Variants in EPB41L4A observed in about 807,000 individuals in gnomAD.
EPB41L4A encodes band 4.1-like protein 4A.
In EPB41L4A, 100 loss-of-function variants were observed where a neutral mutation model predicts 108.6. The ratio of observed to expected loss-of-function variants is 0.92; its 90% CI spans 0.78 to 1.09. The LOEUF (loss-of-function observed/expected upper bound fraction) is 1.09, where lower values mean the gene tolerates loss of function less well. Among genes scored for constraint, EPB41L4A ranks in the 50% least tolerant of loss-of-function variants. EPB41L4A has a pLI of 0.00. For missense variants in EPB41L4A, 1,030 were observed against 842.7 expected, an observed-to-expected ratio of 1.22 and a Z score of -2.75; for synonymous variants, 319 against 289.0, an observed-to-expected ratio of 1.10 and a Z score of -1.05.
At chr5:112,256,835 T>C (rs1004810565) in intron 9 of EPB41L4A, 2 of 152,196 alleles carry the variant, frequency 1.3e-5, no homozygotes, top group Non-Finnish European at 2.9e-5. Flanking sequence ...TTTAGGATAA[T>C]GAATAATTTT....
chr5:112,340,468 G>C (rs1757241285), intron 1 of EPB41L4A, among the ~76,000 whole-genome samples: 2 of 152,142 alleles, frequency 1.3e-5, no homozygotes, highest in Admixed American at 1.3e-4. Context: ...CCCTGCTTTG[G>C]CTTTTATCAC....
intron 3 of EPB41L4A, among the ~76,000 whole-genome samples, chr5:112,275,853 C>T (rs1752597216): frequency 1.3e-5 from 2 of 152,138 alleles, no homozygotes; most frequent in African/African-American, 4.8e-5. Flanking sequence ...TCAGCCCCAG[C>T]CACAGGACAT....
chr5:112,261,394 T>C (rs1329197442), intron 7 of EPB41L4A, among the ~76,000 whole-genome samples: 1 of 152,168 alleles, frequency 6.6e-6, no homozygotes, highest in Non-Finnish European at 1.5e-5. Flanking sequence ...AGTTCCATAA[T>C]CCAATTGATT....
At chr5:112,300,551 C>T (rs1254835754) in intron 2 of EPB41L4A, among the ~76,000 whole-genome samples, 1 of 152,130 alleles carries the variant, frequency 6.6e-6, no homozygotes, top group African/African-American at 2.4e-5. Flanking sequence ...TATAGATTAC[C>T]TAATGCTTTT....
At chr5:112,265,094 A>G (rs575717910) in intron 5 of EPB41L4A, 78 bp from the exon 6 acceptor site, 26 of 1,231,368 alleles carry the variant, frequency 2.1e-5, no homozygotes, top group Middle Eastern at 4.3e-4. Context: ...TATTCCTAAC[A>G]TGCTTAAACA....
At chr5:112,200,580 G>T (rs561098649) in intron 15 of EPB41L4A, among the ~76,000 whole-genome samples, 1 of 152,274 alleles carries the variant, frequency 6.6e-6, no homozygotes, top group East Asian at 1.9e-4. Context: ...GCAGCACACT[G>T]CATGGCATAC....
chr5:112,309,987 T>G (rs969862427), intron 1 of EPB41L4A, among the ~76,000 whole-genome samples: 7 of 152,154 alleles, frequency 4.6e-5, no homozygotes, highest in African/African-American at 1.7e-4. Context: ...GGTTTGGAAG[T>G]CGATTCTTCC....
chr5:112,246,082 G>A (rs191240512), intron 9 of EPB41L4A, among the ~76,000 whole-genome samples: 1 of 152,192 alleles, frequency 6.6e-6, no homozygotes, highest in Non-Finnish European at 1.5e-5. Flanking sequence ...GGCAGAGCTG[G>A]GAAAGGGGAC....
At chr5:112,317,617 TAGA>T (rs1561566336) in intron 1 of EPB41L4A, among the ~76,000 whole-genome samples, 4 of 152,274 alleles carry the variant, frequency 2.6e-5, no homozygotes, top group African/African-American at 9.6e-5. Flanking sequence ...CTCACAATCA[TAGA>T]GTTTTCTAGC....
intron 1 of EPB41L4A, among the ~76,000 whole-genome samples, chr5:112,369,265 T>C (rs114349140): frequency 1.3e-5 from 2 of 152,168 alleles, no homozygotes; most frequent in Admixed American, 1.3e-4. Context: ...CAACTTCCCC[T>C]GTACCAGTTC....
At chr5:112,381,979 C>G (rs557268248) in intron 1 of EPB41L4A, among the ~76,000 whole-genome samples, 8 of 152,174 alleles carry the variant, frequency 5.3e-5, no homozygotes, top group Non-Finnish European at 7.3e-5. Flanking sequence ...AAATCACAGT[C>G]AATGGCATGT....
intron 4 of EPB41L4A, among the ~76,000 whole-genome samples, chr5:112,269,858 C>G (rs545059673): frequency 1.9e-4 from 29 of 152,248 alleles, no homozygotes; most frequent in African/African-American, 7.0e-4. Context: ...AACTAACAAA[C>G]CGATGTATAT....
At chr5:112,323,703 T>G (rs1430534700) in intron 1 of EPB41L4A, among the ~76,000 whole-genome samples, 1 of 152,208 alleles carries the variant, frequency 6.6e-6, no homozygotes. Flanking sequence ...TCTGAAATGG[T>G]CAGTGTAACA....
At chr5:112,272,136 G>GTT (rs762038991) in intron 4 of EPB41L4A, among the ~76,000 whole-genome samples, 2 of 25,090 alleles carry the variant, frequency 8.0e-5, no homozygotes, top group East Asian at 1.4e-3. Flanking sequence ...AGCATTATTT[G>GTT]TATTTTTTTT....
chr5:112,387,835 A>G (rs4957645), intron 1 of EPB41L4A, among the ~76,000 whole-genome samples: 2 of 152,228 alleles, frequency 1.3e-5, no homozygotes, highest in African/African-American at 2.4e-5. Context: ...GCACTAGTAT[A>G]CAATCATATT....
At chr5:112,207,013 G>C (rs547244587) in intron 13 of EPB41L4A, 1 of 152,254 alleles carries the variant, frequency 6.6e-6, no homozygotes, top group African/African-American at 2.4e-5. Context: ...AAAGCTGGAG[G>C]CATCACACTA....
chr5:112,317,789 A>T (rs1561566477), intron 1 of EPB41L4A, among the ~76,000 whole-genome samples: 3 of 152,206 alleles, frequency 2.0e-5, no homozygotes, highest in Admixed American at 6.5e-5. Flanking sequence ...TAAAAATATA[A>T]AACTATTTTT....
chr5:112,374,216 AG>A (rs1270982214), intron 1 of EPB41L4A, among the ~76,000 whole-genome samples: 2 of 152,240 alleles, frequency 1.3e-5, no homozygotes, highest in Non-Finnish European at 2.9e-5. Flanking sequence ...CCATGAAGAA[AG>A]GAGTTCATCT....
intron 1 of EPB41L4A, among the ~76,000 whole-genome samples, chr5:112,362,032 A>G (rs1758801426): frequency 6.6e-6 from 1 of 152,196 alleles, no homozygotes; most frequent in African/African-American, 2.4e-5. Flanking sequence ...GGCAATACCA[A>G]CCAAAGGGCT....
Sources: allele counts gnomAD v4.1 joint callset (sites outside exome capture counted in the v4.1 genomes callset), GRCh38; gene constraint gnomAD v4.1.1; transcripts MANE v1.5; gene names NCBI Gene and HGNC (gene_info 2026-07-23, HGNC 2026-07-21).